The following COL26A1 variants were observed in gnomAD, a reference collection of about 807,000 sequenced individuals.
The protein encoded by COL26A1 is collagen type XXVI alpha 1 chain, also known as collagen alpha-1(XXVI) chain.
In COL26A1, 41 loss-of-function variants were observed where a neutral mutation model predicts 59.3. That is an observed-to-expected ratio of 0.69 (90% CI 0.54 to 0.90). The LOEUF (loss-of-function observed/expected upper bound fraction) is 0.90. Among genes scored for constraint, COL26A1 ranks in the 40% least tolerant of loss-of-function variants. COL26A1 has a pLI of 0.00. For synonymous variants in COL26A1, 266 were observed against 256.0 expected, an observed-to-expected ratio of 1.04 and a Z score of -0.37; for missense variants, 612 against 602.3, an observed-to-expected ratio of 1.02 and a Z score of -0.17.
intron 1 of COL26A1, among the ~76,000 whole-genome samples, chr7:101,398,488 G>A (rs1405776740): frequency 1.3e-5 from 2 of 152,124 alleles, no homozygotes; most frequent in African/African-American, 4.8e-5. Context: ...GCTTATGGAC[G>A]GAATCCTGAC....
chr7:101,477,503 C>T (rs1794075304), intron 3 of COL26A1, among the ~76,000 whole-genome samples: 1 of 152,140 alleles, frequency 6.6e-6, no homozygotes, highest in African/African-American at 2.4e-5. Flanking sequence ...GGAGGGTGTA[C>T]ATCTGGCCAT....
chr7:101,475,890 T>C (rs907655976), intron 3 of COL26A1, among the ~76,000 whole-genome samples: 11 of 136,906 alleles, frequency 8.0e-5, no homozygotes, highest in Admixed American at 2.2e-4. Context: ...TTCTCTCTCT[T>C]TCTTTCTCTC....
At chr7:101,367,291 A>AG (rs1584343337) in intron 1 of COL26A1, among the ~76,000 whole-genome samples, 2 of 152,202 alleles carry the variant, frequency 1.3e-5, no homozygotes, top group African/African-American at 4.8e-5. Context: ...TGGTATTTGG[A>AG]GGGGGGACCT....
intron 2 of COL26A1, among the ~76,000 whole-genome samples, chr7:101,444,294 T>TG (rs1793132339): frequency 1.3e-5 from 2 of 151,924 alleles, no homozygotes; most frequent in South Asian, 4.2e-4. Flanking sequence ...CCACTTTGGG[T>TG]TTATTGTTGG....
At chr7:101,381,657 T>G (rs770936075) in intron 1 of COL26A1, among the ~76,000 whole-genome samples, 15 of 152,158 alleles carry the variant, frequency 9.9e-5, no homozygotes, top group Non-Finnish European at 1.9e-4. Flanking sequence ...ATCCGTATAA[T>G]CTATTCGTGA....
intron 3 of COL26A1, among the ~76,000 whole-genome samples, chr7:101,477,000 C>T (rs1335180902): frequency 3.3e-5 from 5 of 151,872 alleles, no homozygotes; most frequent in African/African-American, 4.8e-5. Flanking sequence ...TGCACCACCA[C>T]GCCCGGCTAA....
At position 101,451,707 on chromosome 7, in the gene COL26A1, C is replaced by T. The variant is rs201530291; in HGVS notation, c.385+3920C>T. On this transcript the variant is annotated intron_variant, in intron 3 of 12. Coordinates refer to ENST00000313669, the MANE Select transcript of COL26A1 (RefSeq NM_001278563.3). The stretch of plus-strand genomic sequence containing the variant: ...TCTACTGAAAAGAAATCATTTGCAT[C>T]TTTTTTTTTTTTTTTTTGACGGAGT... Among the ~76,000 whole-genome samples, 236 of 139,142 alleles carry T rather than the reference C, an allele frequency of 1.7e-3. 1 individual carries two copies. In the East Asian group the frequency reaches 0.041, roughly 24 times the overall value. 91.3% of individuals were successfully genotyped at this position (139,142 alleles called of 152,430 possible). A position where few individuals can be genotyped will look rare whatever the true frequency, so the allele number is the denominator to read the frequency against.
intron 3 of COL26A1, among the ~76,000 whole-genome samples, chr7:101,517,448 G>T (rs1261893473): frequency 6.6e-6 from 1 of 152,152 alleles, no homozygotes; most frequent in Non-Finnish European, 1.5e-5. Flanking sequence ...GAGGTGACTT[G>T]CTCCTCCTTG....
intron 1 of COL26A1, among the ~76,000 whole-genome samples, chr7:101,377,137 G>A (rs1451960634): frequency 6.6e-6 from 1 of 152,126 alleles, no homozygotes; most frequent in Non-Finnish European, 1.5e-5. Context: ...GGGATTACAG[G>A]CCTGAGCCAC....
Position 101,558,555 on chromosome 7 carries a change from G to A in COL26A1, c.*1025G>A, listed in dbSNP as rs1029371616. On this transcript the variant is annotated 3_prime_UTR_variant, in exon 13 of 13. Transcript: ENST00000313669. The stretch of plus-strand genomic sequence containing the variant: ...GTCCCCTTTGCAAGCTGCAGAGAGG[G>A]AAACAGAGTCCCAGGCCTGCTGGGA... The A allele has an allele frequency of 6.6e-6, 1 of 152,232 alleles. No homozygotes were observed. Among genetic ancestry groups the A allele is most frequent in the African/African-American group, 2.4e-5 (1 of 41,442 alleles). 9.4% of individuals were successfully genotyped at this position (152,232 alleles called of 1,614,324 possible). A position where few individuals can be genotyped will look rare whatever the true frequency, so the allele number is the denominator to read the frequency against.
In COL26A1 at chr7:101,557,630, C is replaced by T; in HGVS notation, c.*100C>T. The T allele has an allele frequency of 1.6e-6, 2 of 1,233,366 alleles. No homozygotes were observed. The highest frequency in any genetic ancestry group is 2.2e-6 in the Non-Finnish European group (2 of 899,380). The allele number at this position is 1,233,366 out of a possible 1,614,324, so 76.4% of individuals were successfully genotyped here. On this transcript the variant is annotated 3_prime_UTR_variant, in exon 13 of 13. Transcript: ENST00000313669. ...AAGATGCCCCCAGGGGAACTGGGCT[C>T]CAGGCATGGATGATTGTGAGGACAT...
chr7:101,451,707 C>CTTTTTTTTTT (rs60481013), intron 3 of COL26A1, among the ~76,000 whole-genome samples: 1 of 139,162 alleles, frequency 7.2e-6, no homozygotes, highest in Non-Finnish European at 1.6e-5. Flanking sequence ...TCATTTGCAT[C>CTTTTTTTTTT]TTTTTTTTTT....
At chr7:101,553,802 C>T (rs978094714) in intron 11 of COL26A1, among the ~76,000 whole-genome samples, 1 of 152,036 alleles carries the variant, frequency 6.6e-6, no homozygotes, top group Non-Finnish European at 1.5e-5. Context: ...GGGGACAGGG[C>T]TGCTGGATGT....
intron 3 of COL26A1, among the ~76,000 whole-genome samples, chr7:101,511,346 C>T (rs1208521213): frequency 6.6e-6 from 1 of 152,214 alleles, no homozygotes; most frequent in East Asian, 1.9e-4. Flanking sequence ...GCATAACCCG[C>T]TGGACTCGGT....
rs1229011843 is a variant in COL26A1, at chr7:101,516,635, C to T, written c.386-16447C>T. 4.6e-5 allele frequency among the ~76,000 whole-genome samples: 7 copies of T among 152,162 alleles called. No individual in the cohort carries two copies. In the East Asian group the frequency reaches 7.7e-4, roughly 17 times the overall value. On this transcript the variant is annotated intron_variant, in intron 3 of 12. Transcript: ENST00000313669. ...CTTTTCTCAGCCATGCAGTCTAGTC[C>T]CACATTCTCTAACCAGTTCAGGGGC... is the stretch of plus-strand genomic sequence containing the variant.
chr7:101,525,049 A>C (rs188007547), intron 3 of COL26A1, among the ~76,000 whole-genome samples: 464 of 152,154 alleles, frequency 3.0e-3, no homozygotes, highest in South Asian at 0.015. Flanking sequence ...CCCAGAGAAG[A>C]ATCTTATGAA....
chr7:101,475,876 CTCTTTCTCTCTCTT>C (rs1281121050), intron 3 of COL26A1, among the ~76,000 whole-genome samples: 12 of 132,726 alleles, frequency 9.0e-5, no homozygotes, highest in East Asian at 6.0e-4. Context: ...CTCTTTCTTT[CTCTTTCTCTCTCTT>C]TCTTTCTCTC....
chr7:101,505,293 TG>T (rs1794784851), intron 3 of COL26A1, among the ~76,000 whole-genome samples: 1 of 151,808 alleles, frequency 6.6e-6, no homozygotes, highest in South Asian at 2.1e-4. Flanking sequence ...ATGAGTGTGT[TG>T]TGTGTATGCA....
At chr7:101,425,812 T>C (rs577519351) in intron 2 of COL26A1, among the ~76,000 whole-genome samples, 14 of 148,752 alleles carry the variant, frequency 9.4e-5, no homozygotes, top group Non-Finnish European at 1.6e-4. Flanking sequence ...CGGCCCCCAG[T>C]GCTTCTTAGC....
Sources: gnomAD v4.1 joint callset for allele counts (sites outside exome capture counted in the v4.1 genomes callset) on GRCh38, gnomAD v4.1.1 for gene constraint, MANE v1.5 for transcripts, NCBI Gene and HGNC (gene_info 2026-07-23, HGNC 2026-07-21) for gene names.